The following LMBRD2 variants were observed in gnomAD, a reference collection of about 807,000 sequenced individuals.
LMBRD2 encodes the protein LMBR1 domain containing 2.
LMBRD2 carries 55 observed loss-of-function variants against 94.4 expected under a neutral mutation model. That is an observed-to-expected ratio of 0.58 (90% CI 0.47 to 0.73). LMBRD2 has a LOEUF of 0.73. LMBRD2 is among the 30% of genes least tolerant of loss of function. The probability of loss-of-function intolerance (pLI) is 0.00; values close to 1 mark genes in which losing one functional copy is unlikely to be tolerated. For synonymous variants in LMBRD2, 246 were observed against 272.4 expected, an observed-to-expected ratio of 0.90 and a Z score of 0.95; for missense variants, 640 against 831.9, an observed-to-expected ratio of 0.77 and a Z score of 2.84.
intron 7 of LMBRD2, 134 bp from the exon 8 acceptor site, chr5:36,123,095 A>G: frequency 1.1e-6 from 1 of 901,368 alleles, no homozygotes; most frequent in Non-Finnish European, 1.5e-6. Flanking sequence ...TGTCATCTCT[A>G]GTTAGACTTC....
Position 36,100,933 on chromosome 5 carries a change from C to T in LMBRD2, c.*3113G>A, listed in dbSNP as rs1743334081. On this transcript the variant is annotated 3_prime_UTR_variant, in exon 18 of 18. Transcript: ENST00000296603. ...AACCACACACATTGACTTTCCTATGCTAATTTAATTTGGGCATACATGCAG... is the reference window on the plus strand; with the variant it reads ...AACCACACACATTGACTTTCCTATGTTAATTTAATTTGGGCATACATGCAG... 6.6e-6 allele frequency: 1 copy of T among 152,048 alleles called. No homozygotes were observed. The highest frequency in any genetic ancestry group is 1.5e-5 in the Non-Finnish European group (1 of 67,956). 9.4% of individuals were successfully genotyped at this position (152,048 alleles called of 1,614,324 possible). A position where few individuals can be genotyped will look rare whatever the true frequency, so the allele number is the denominator to read the frequency against.
At chr5:36,128,149 A>C (rs2111884302) in intron 6 of LMBRD2, among the ~76,000 whole-genome samples, 1 of 152,294 alleles carries the variant, frequency 6.6e-6, no homozygotes, top group African/African-American at 2.4e-5. Flanking sequence ...CTTATCCAAG[A>C]CCACCAAGGT....
intron 3 of LMBRD2, among the ~76,000 whole-genome samples, chr5:36,141,979 A>G (rs1744420659): frequency 6.6e-6 from 1 of 152,220 alleles, no homozygotes; most frequent in Non-Finnish European, 1.5e-5. Context: ...GCTATAGTCA[A>G]CATATATAAG....
chr5:36,114,889 T>C lies in LMBRD2; in HGVS notation c.1542+126A>G, dbSNP rs575240561. The C allele has an allele frequency of 2.1e-4, 142 of 684,616 alleles. 1 individual carries two copies. The highest frequency in any genetic ancestry group is 3.0e-4 in the Non-Finnish European group (122 of 400,282). The allele number at this position is 684,616 out of a possible 1,614,324, so 42.4% of individuals were successfully genotyped here. ...CTAGTCAATAGTAATACGTATACAA[T>C]CTTTAAGAGAAAATTTTACCAATAA... On this transcript the variant is annotated intron_variant, in intron 12 of 17. Coordinates refer to ENST00000296603, the MANE Select transcript of LMBRD2 (RefSeq NM_001007527.2).
At chr5:36,143,667 T>A (rs1744471431) in intron 1 of LMBRD2, among the ~76,000 whole-genome samples, 1 of 152,202 alleles carries the variant, frequency 6.6e-6, no homozygotes, top group Non-Finnish European at 1.5e-5. Context: ...CTTACAATAT[T>A]ACAAATTAAG....
At chr5:36,127,610 A>G (rs1744036626) in intron 6 of LMBRD2, among the ~76,000 whole-genome samples, 1 of 152,208 alleles carries the variant, frequency 6.6e-6, no homozygotes, top group Admixed American at 6.5e-5. Flanking sequence ...GCCTTGAATG[A>G]ACACTGGAGG....
At chr5:36,136,546 T>C (rs780944295) in intron 5 of LMBRD2, 27 bp from the exon 6 acceptor site, 3 of 1,582,178 alleles carry the variant, frequency 1.9e-6, no homozygotes, top group Non-Finnish European at 2.6e-6. Context: ...ACAGATAATA[T>C]GTATATTTTA....
chr5:36,112,536 T>G (rs1421697630), intron 13 of LMBRD2, among the ~76,000 whole-genome samples: 1 of 152,192 alleles, frequency 6.6e-6, no homozygotes, highest in Non-Finnish European at 1.5e-5. Flanking sequence ...GCTTCAGGTG[T>G]TTCTATAACA....
At chr5:36,117,599 T>C in intron 10 of LMBRD2, 136 bp downstream of exon 10, 1 of 538,390 alleles carries the variant, frequency 1.9e-6, no homozygotes, top group Non-Finnish European at 3.1e-6. Context: ...ATGAAGCACA[T>C]TTCTGGAAGT....
chr5:36,139,543 G>T (rs1744352957), intron 4 of LMBRD2, among the ~76,000 whole-genome samples: 1 of 152,302 alleles, frequency 6.6e-6, no homozygotes, highest in African/African-American at 2.4e-5. Context: ...TGAGAACTTA[G>T]GGTGCTTTAT....
intron 1 of LMBRD2, among the ~76,000 whole-genome samples, chr5:36,147,266 A>T (rs1456569328): frequency 2.0e-5 from 3 of 152,160 alleles, no homozygotes; most frequent in Non-Finnish European, 4.4e-5. Context: ...CTAACTTGAG[A>T]AAATAATAGT....
rs895508273 is a variant in LMBRD2, at chr5:36,103,388, A to T, written c.*658T>A. On this transcript the variant is annotated 3_prime_UTR_variant, in exon 18 of 18. Coordinates refer to ENST00000296603, the MANE Select transcript of LMBRD2 (RefSeq NM_001007527.2). Reference sequence around the variant, plus strand: ...TTACTACAAAGACTGAAGGAATACTATATCACCTGATTATAGTACACATGC... The same window carrying T: ...TTACTACAAAGACTGAAGGAATACTTTATCACCTGATTATAGTACACATGC... 6.6e-6 allele frequency: 1 copy of T among 152,306 alleles called. No homozygotes were observed. The highest frequency in any genetic ancestry group is 2.4e-5 in the African/African-American group (1 of 41,418). The allele number at this position is 152,306 out of a possible 1,614,324, so 9.4% of individuals were successfully genotyped here.
intron 11 of LMBRD2, 146 bp from the exon 12 acceptor site, chr5:36,115,266 G>A (rs979570935): frequency 1.4e-5 from 7 of 512,072 alleles, no homozygotes; most frequent in African/African-American, 7.9e-5. Context: ...AATTCTTAAT[G>A]TGACCTGCCC....
intron 6 of LMBRD2, 23 bp downstream of exon 6, chr5:36,136,286 T>C (rs1202766875): frequency 1.9e-6 from 3 of 1,608,198 alleles, no homozygotes; most frequent in Admixed American, 1.7e-5. Context: ...TGACTATTGC[T>C]TATAAGGTTC....
chr5:36,130,199 A>T (rs2111888141), intron 6 of LMBRD2, among the ~76,000 whole-genome samples: 1 of 152,274 alleles, frequency 6.6e-6, no homozygotes, highest in African/African-American at 2.4e-5. Context: ...TAATAAAATA[A>T]AATAAAGAAA....
intron 14 of LMBRD2, 101 bp downstream of exon 14, chr5:36,111,054 T>C: frequency 1.4e-6 from 1 of 724,872 alleles, no homozygotes; most frequent in Non-Finnish European, 2.3e-6. Context: ...TTTCTTAGAA[T>C]AGATTAAAAA....
rs1743304396 is a variant in LMBRD2 at position 36,099,480 on chromosome 5, A to G, written c.*4566T>C. The G allele has an allele frequency of 6.6e-6, 1 of 152,122 alleles. No individual in the cohort carries two copies. The highest frequency in any genetic ancestry group is 1.5e-5 in the Non-Finnish European group (1 of 67,996). The allele number at this position is 152,122 out of a possible 1,614,324, so 9.4% of individuals were successfully genotyped here. A position where few individuals can be genotyped will look rare whatever the true frequency, so the allele number is the denominator to read the frequency against. The stretch of plus-strand genomic sequence containing the variant: ...ATATATACACAGTCTCTCCCCTACA[A>G]CTTGGTATGCTAAGTACGGAAGATG... On this transcript the variant is annotated 3_prime_UTR_variant, in exon 18 of 18. Coordinates refer to ENST00000296603, the MANE Select transcript of LMBRD2 (RefSeq NM_001007527.2).
intron 9 of LMBRD2, among the ~76,000 whole-genome samples, chr5:36,119,671 T>C (rs551747833): frequency 1.1e-4 from 16 of 152,296 alleles, no homozygotes; most frequent in African/African-American, 3.8e-4. Context: ...GGGTCCTCAG[T>C]ACTGCCTCAC....
At chr5:36,138,797 T>C (rs911538853) in intron 4 of LMBRD2, among the ~76,000 whole-genome samples, 1 of 152,256 alleles carries the variant, frequency 6.6e-6, no homozygotes, top group African/African-American at 2.4e-5. Flanking sequence ...TCATTTTTGT[T>C]TGTTTTCTTT....
Sources: gnomAD v4.1 joint callset for allele counts (sites outside exome capture counted in the v4.1 genomes callset) on GRCh38, gnomAD v4.1.1 for gene constraint, MANE v1.5 for transcripts, NCBI Gene and HGNC (gene_info 2026-07-23, HGNC 2026-07-21) for gene names.